The following CEP112 variants were observed in gnomAD, a reference collection of about 807,000 sequenced individuals.
CEP112 encodes the protein centrosomal protein 112.
A neutral mutation model predicts 153.0 loss-of-function variants in CEP112; 127 were observed. The observed-to-expected ratio is 0.83, with a 90% CI of 0.72 to 0.96. The LOEUF (loss-of-function observed/expected upper bound fraction) is 0.96. Ranked by LOEUF, CEP112 falls within the 40% of genes least tolerant of loss-of-function variation. CEP112 has a pLI of 0.00. For missense variants in CEP112, 1,089 were observed against 1,101.2 expected, an observed-to-expected ratio of 0.99 and a Z score of 0.16; for synonymous variants, 358 against 374.4, an observed-to-expected ratio of 0.96 and a Z score of 0.51.
chr17:65,823,615 C>T (rs577284951), intron 21 of CEP112, among the ~76,000 whole-genome samples: 31 of 152,238 alleles, frequency 2.0e-4, no homozygotes, highest in African/African-American at 6.7e-4. Flanking sequence ...TTTTTATACA[C>T]AACACCAAAA....
At position 65,647,774 on chromosome 17, in the gene CEP112, T is replaced by A. The variant is rs372626785; in HGVS notation, c.2698-6709A>T. Among the ~76,000 whole-genome samples the A allele has an allele frequency of 5.3e-5, 8 of 152,142 alleles. No individual in the cohort carries two copies. In the South Asian group the frequency reaches 8.3e-4, roughly 16 times the overall value. ...CTAAGATGATAGGCATAAGCCACCA[T>A]GCCTGGCTTTTGCTACTGCTTTTCT... On this transcript the variant is annotated intron_variant, in intron 24 of 26. Coordinates refer to ENST00000535342, the MANE Select transcript of CEP112 (RefSeq NM_001199165.4).
intron 11 of CEP112, among the ~76,000 whole-genome samples, chr17:66,055,048 G>A (rs1052813624): frequency 1.3e-5 from 2 of 152,064 alleles, no homozygotes; most frequent in African/African-American, 2.4e-5. Context: ...GTGAGCCACC[G>A]TGCCTGGCCC....
chr17:65,892,303 T>G (rs1288562975), intron 20 of CEP112, among the ~76,000 whole-genome samples: 1 of 152,194 alleles, frequency 6.6e-6, no homozygotes, highest in Non-Finnish European at 1.5e-5. Context: ...TACATGGAAA[T>G]AAATTTGATT....
chr17:66,024,630 T>A (rs34132578), intron 16 of CEP112, among the ~76,000 whole-genome samples: 78,281 of 151,882 alleles, frequency 0.52, 21,102 homozygotes, highest in African/African-American at 0.59. Flanking sequence ...CAAAACACTG[T>A]TGAAAGAAGT....
chr17:66,152,001 T>C (rs931491751), intron 4 of CEP112, among the ~76,000 whole-genome samples: 1 of 152,194 alleles, frequency 6.6e-6, no homozygotes, highest in African/African-American at 2.4e-5. Context: ...TAGCACATAC[T>C]TAGAACAAAT....
chr17:66,085,118 GAA>G (rs1465963814), intron 8 of CEP112, among the ~76,000 whole-genome samples: 7 of 151,946 alleles, frequency 4.6e-5, no homozygotes, highest in East Asian at 1.9e-4. Flanking sequence ...TAACAAAATG[GAA>G]AAAGAGGCAT....
intron 17 of CEP112, among the ~76,000 whole-genome samples, chr17:65,988,370 A>C (rs1039213544): frequency 1.3e-5 from 2 of 152,242 alleles, no homozygotes; most frequent in Non-Finnish European, 2.9e-5. Context: ...GACACAGATG[A>C]ACATCCTCAA....
chr17:65,686,727 C>T (rs2047814197), intron 24 of CEP112, among the ~76,000 whole-genome samples: 1 of 152,186 alleles, frequency 6.6e-6, no homozygotes, highest in Non-Finnish European at 1.5e-5. Context: ...GTGTGCTGTG[C>T]TTGTGTTTCC....
At chr17:65,833,579 A>G (rs934317585) in intron 21 of CEP112, among the ~76,000 whole-genome samples, 1 of 152,164 alleles carries the variant, frequency 6.6e-6, no homozygotes, top group African/African-American at 2.4e-5. Flanking sequence ...CAAGAGCCCA[A>G]TCAGAAAGCA....
intron 6 of CEP112, among the ~76,000 whole-genome samples, chr17:66,117,267 T>C (rs1467738958): frequency 1.3e-5 from 2 of 152,092 alleles, no homozygotes; most frequent in African/African-American, 2.4e-5. Flanking sequence ...ACATACTACA[T>C]AGAAAAACAG....
chr17:65,699,982 C>A (rs780887766), intron 23 of CEP112, among the ~76,000 whole-genome samples: 2 of 152,124 alleles, frequency 1.3e-5, no homozygotes, highest in Non-Finnish European at 2.9e-5. Flanking sequence ...TTCTCCTGGA[C>A]CTCTCTGTTG....
intron 4 of CEP112, among the ~76,000 whole-genome samples, chr17:66,142,792 C>G (rs775864962): frequency 6.6e-6 from 1 of 152,082 alleles, no homozygotes; most frequent in Admixed American, 6.6e-5. Context: ...ATCATTTCTC[C>G]GGCTTTGTTC....
At chr17:66,163,388 C>G (rs147699009) in intron 4 of CEP112, among the ~76,000 whole-genome samples, 17 of 152,096 alleles carry the variant, frequency 1.1e-4, no homozygotes, top group African/African-American at 4.1e-4. Flanking sequence ...TATATACCAT[C>G]TGCAGAACAG....
chr17:65,671,274 AG>A (rs1473946209), intron 24 of CEP112, among the ~76,000 whole-genome samples: 2 of 152,190 alleles, frequency 1.3e-5, no homozygotes, highest in Admixed American at 1.3e-4. Context: ...GAGCTCCCGA[AG>A]GGGAAATTGG....
chr17:65,772,135 A>G (rs548638547), intron 21 of CEP112, among the ~76,000 whole-genome samples: 40 of 152,336 alleles, frequency 2.6e-4, no homozygotes, highest in Middle Eastern at 3.4e-3. Context: ...TAGCTTCTGA[A>G]TTCTTTTATT....
chr17:65,728,678 T>C (rs557251120), intron 23 of CEP112, among the ~76,000 whole-genome samples: 4 of 152,276 alleles, frequency 2.6e-5, no homozygotes, highest in South Asian at 4.1e-4. Flanking sequence ...TACTGCACTA[T>C]AGGCAATTAT....
intron 19 of CEP112, among the ~76,000 whole-genome samples, chr17:65,909,985 G>T (rs1195869358): frequency 6.6e-6 from 1 of 152,146 alleles, no homozygotes; most frequent in Non-Finnish European, 1.5e-5. Context: ...AGTAAAAATG[G>T]CTACTAGAGA....
At chr17:65,671,471 T>C (rs2042112043) in intron 24 of CEP112, among the ~76,000 whole-genome samples, 1 of 152,228 alleles carries the variant, frequency 6.6e-6, no homozygotes, top group South Asian at 2.1e-4. Context: ...GCAAGAGGAC[T>C]TGGAGGCTTT....
At chr17:66,031,377 A>AAGAT (rs1248841502) in intron 12 of CEP112, among the ~76,000 whole-genome samples, 1 of 152,046 alleles carries the variant, frequency 6.6e-6, no homozygotes. Flanking sequence ...ATACTAATAA[A>AAGAT]CCCTACAAGA....
Sources: gnomAD v4.1 joint callset for allele counts (sites outside exome capture counted in the v4.1 genomes callset) on GRCh38, gnomAD v4.1.1 for gene constraint, MANE v1.5 for transcripts, NCBI Gene and HGNC (gene_info 2026-07-23, HGNC 2026-07-21) for gene names.